Variants in TUBGCP3 observed in about 807,000 individuals in gnomAD.
The protein encoded by TUBGCP3 is gamma-tubulin complex component 3.
A neutral mutation model predicts 123.1 loss-of-function variants in TUBGCP3; 50 were observed. The observed-to-expected ratio is 0.41, with a 90% CI of 0.32 to 0.51. The LOEUF (loss-of-function observed/expected upper bound fraction) is 0.51, where lower values mean the gene tolerates loss of function less well. Among genes scored for constraint, TUBGCP3 ranks in the 20% least tolerant of loss-of-function variants. TUBGCP3 has a pLI of 0.36. For synonymous variants in TUBGCP3, 405 were observed against 413.9 expected (o/e 0.98, Z 0.26); for missense variants, 882 against 1,127.0 (o/e 0.78, Z 3.11).
In TUBGCP3 at chr13:112,554,195, T is replaced by C. The variant is rs897940543; in HGVS notation, c.841-13A>G. ...TACTTAGATTTGCCTAAAAAGTAAA[T>C]ACATCAAATGTTAAACATTAAAAAG... On this transcript the variant is annotated splice_polypyrimidine_tract_variant and intron_variant, in intron 7 of 21. Coordinates refer to ENST00000261965, the MANE Select transcript of TUBGCP3 (RefSeq NM_006322.6). 1 of 1,612,274 alleles carries C rather than the reference T, an allele frequency of 6.2e-7. No homozygotes were observed. The highest frequency in any genetic ancestry group is 8.5e-7 in the Non-Finnish European group (1 of 1,179,616).
chr13:112,503,081 C>T (rs2138996968), intron 19 of TUBGCP3, among the ~76,000 whole-genome samples: 1 of 152,232 alleles, frequency 6.6e-6, no homozygotes, highest in East Asian at 1.9e-4. Context: ...CACTGACAGG[C>T]CCTGAGGAGA....
intron 17 of TUBGCP3, 124 bp downstream of exon 17, chr13:112,516,316 A>C (rs1876119575): frequency 9.2e-7 from 1 of 1,092,300 alleles, no homozygotes; most frequent in Admixed American, 3.8e-5. Flanking sequence ...CGCCATCTGA[A>C]AAAAATATAT....
intron 10 of TUBGCP3, chr13:112,547,082 A>T (rs145338076): frequency 4.9e-6 from 1 of 204,690 alleles, no homozygotes; most frequent in Non-Finnish European, 9.7e-6. Context: ...GAAAGCAACT[A>T]GCAATACAGA....
In TUBGCP3 at chr13:112,547,568, G is replaced by A. The variant is rs116143888; in HGVS notation, c.1168+52C>T. 120 of 1,354,074 alleles carry A rather than the reference G, an allele frequency of 8.9e-5. No homozygotes were observed. In the African/African-American group the frequency reaches 9.2e-4, roughly 10 times the overall value. The allele number at this position is 1,354,074 out of a possible 1,614,324, so 83.9% of individuals were successfully genotyped here. On this transcript the variant is annotated intron_variant, in intron 10 of 21. Transcript: ENST00000261965. Reference sequence around the variant, plus strand: ...AAAGTCGCGCGTGGGAAAGTCGCGCGTGGGAAAGTCGCGCGTGGGAAAGAC... The same window carrying A: ...AAAGTCGCGCGTGGGAAAGTCGCGCATGGGAAAGTCGCGCGTGGGAAAGAC...
chr13:112,554,450 G>A (rs958751149), intron 7 of TUBGCP3, among the ~76,000 whole-genome samples: 3 of 152,184 alleles, frequency 2.0e-5, no homozygotes, highest in Admixed American at 6.5e-5. Flanking sequence ...TCTCAGCCAC[G>A]CTGTGAAAGG....
chr13:112,527,187 T>C, intron 12 of TUBGCP3, 137 bp from the exon 13 acceptor site: 1 of 814,226 alleles, frequency 1.2e-6, no homozygotes, highest in Non-Finnish European at 1.9e-6. Flanking sequence ...GAGCGAATTC[T>C]AGTAACTCAA....
chr13:112,492,937 TG>T (rs1205832478), intron 20 of TUBGCP3, among the ~76,000 whole-genome samples: 1 of 148,954 alleles, frequency 6.7e-6, no homozygotes, highest in East Asian at 2.0e-4. Context: ...ACTCTAGCTA[TG>T]GGAACGGGGC....
chr13:112,562,347 C>T lies in TUBGCP3; in HGVS notation c.252+2764G>A, dbSNP rs1380496164. ...TAGGGGAACACCACCAGCCAGAAGC[C>T]ACTAATGACCCTGAGACCAGAGAGA... is the stretch of plus-strand genomic sequence containing the variant. On this transcript the variant is annotated intron_variant, in intron 3 of 21. Coordinates refer to ENST00000261965, the MANE Select transcript of TUBGCP3 (RefSeq NM_006322.6). Among the ~76,000 whole-genome samples the T allele has an allele frequency of 2.6e-5, 4 of 152,238 alleles. No homozygotes were observed. The East Asian group carries it at 7.7e-4, about 29-fold the overall frequency.
chr13:112,524,591 T>C lies in TUBGCP3; in HGVS notation c.1556-2082A>G, dbSNP rs1876895866. ...CAAAATCTATATTGGATCACATCTA[T>C]CTCTATTCCAGGAACAATCTGGGGT... On this transcript the variant is annotated intron_variant, in intron 13 of 21. Transcript: ENST00000261965. This position sits in a 1 kb window ranked among gnomAD's most constrained non-coding sequence, Gnocchi z 4.4. Among the ~76,000 whole-genome samples the C allele has an allele frequency of 6.6e-6, 1 of 152,158 alleles. No homozygotes were observed. Among genetic ancestry groups the C allele is most frequent in the Non-Finnish European group, 1.5e-5 (1 of 68,028 alleles).
intron 16 of TUBGCP3, among the ~76,000 whole-genome samples, chr13:112,518,248 G>A (rs1324474805): frequency 6.6e-6 from 1 of 152,138 alleles, no homozygotes; most frequent in Non-Finnish European, 1.5e-5. Context: ...CGGGAAAACA[G>A]CACGAAGCAG....
chr13:112,489,431 C>T (rs2139181958), intron 21 of TUBGCP3, 150 bp downstream of exon 21: 1 of 678,112 alleles, frequency 1.5e-6, no homozygotes, highest in East Asian at 2.6e-5. Context: ...CCCAGAGGGT[C>T]ACAGGGTCCA....
chr13:112,499,270 T>C (rs1880733241), intron 19 of TUBGCP3, 85 bp from the exon 20 acceptor site: 2 of 1,466,652 alleles, frequency 1.4e-6, no homozygotes, highest in South Asian at 2.7e-5. Context: ...TGAAAAGATA[T>C]TAGAAAACAA....
chr13:112,493,389 C>T (rs1287518763), intron 20 of TUBGCP3, among the ~76,000 whole-genome samples: 1 of 148,830 alleles, frequency 6.7e-6, no homozygotes, highest in African/African-American at 2.5e-5. Flanking sequence ...GACGCTCTGG[C>T]TATGGGAACG....
intron 1 of TUBGCP3, among the ~76,000 whole-genome samples, chr13:112,582,321 T>A (rs955136193): frequency 6.6e-6 from 1 of 152,230 alleles, no homozygotes; most frequent in Non-Finnish European, 1.5e-5. Flanking sequence ...CAATATGATG[T>A]ACAGTGGTTA....
intron 1 of TUBGCP3, among the ~76,000 whole-genome samples, chr13:112,574,998 CT>C (rs1408597017): frequency 6.6e-6 from 1 of 152,230 alleles, no homozygotes; most frequent in Non-Finnish European, 1.5e-5. Context: ...CTACCAGCCC[CT>C]TCTACCTTCA....
chr13:112,581,536 C>T (rs1882275710), intron 1 of TUBGCP3, among the ~76,000 whole-genome samples: 1 of 135,856 alleles, frequency 7.4e-6, no homozygotes, highest in Admixed American at 7.0e-5. Context: ...ACCTCTGCCT[C>T]CTGGGCTCAA....
At chr13:112,562,600 C>T (rs535904053) in intron 3 of TUBGCP3, among the ~76,000 whole-genome samples, 1 of 152,256 alleles carries the variant, frequency 6.6e-6, no homozygotes, top group South Asian at 2.1e-4. Flanking sequence ...GTATAATCTG[C>T]CAGGCCTGGA....
chr13:112,565,002 A>T (rs1880845007), intron 3 of TUBGCP3, 109 bp downstream of exon 3: 1 of 867,586 alleles, frequency 1.2e-6, no homozygotes, highest in South Asian at 2.6e-5. Context: ...AGCAATTACC[A>T]ATTATAGAAA....
intron 11 of TUBGCP3, among the ~76,000 whole-genome samples, chr13:112,541,487 C>A (rs1878511091): frequency 6.7e-6 from 1 of 148,192 alleles, no homozygotes; most frequent in Non-Finnish European, 1.5e-5. Context: ...AGTTACAGTG[C>A]ACCAAGATGA....
Sources: allele counts gnomAD v4.1 joint callset (sites outside exome capture counted in the v4.1 genomes callset), GRCh38; gene constraint gnomAD v4.1.1; non-coding constraint Gnocchi (gnomAD v3.1); transcripts MANE v1.5; gene names NCBI Gene and HGNC (gene_info 2026-07-23, HGNC 2026-07-21).